The following ZBBX variants were observed in gnomAD, a reference collection of about 807,000 sequenced individuals.
ZBBX encodes zinc finger B-box domain containing.
In ZBBX, 101 loss-of-function variants were observed where a neutral mutation model predicts 108.5. The observed-to-expected ratio is 0.93, with a 90% CI of 0.79 to 1.10. The LOEUF (loss-of-function observed/expected upper bound fraction) is 1.10, where lower values mean the gene tolerates loss of function less well. Among genes scored for constraint, ZBBX ranks in the 50% least tolerant of loss-of-function variants. ZBBX has a pLI of 0.00. For synonymous variants in ZBBX, 356 were observed against 323.4 expected (o/e 1.10, Z -1.08); for missense variants, 1,009 against 941.4 (o/e 1.07, Z -0.94).
At chr3:167,382,887 A>T (rs992943705), upstream of ZBBX, among the ~76,000 whole-genome samples, 4 of 152,062 alleles carry the variant, frequency 2.6e-5, no homozygotes, top group Admixed American at 2.6e-4. Flanking sequence ...AATAATTTCA[A>T]AGCTAATGGT....
At chr3:167,392,011 TC>T (rs1358640063) in intron 1 of ZBBX, among the ~76,000 whole-genome samples, 3 of 151,554 alleles carry the variant, frequency 2.0e-5, no homozygotes, top group Non-Finnish European at 4.4e-5. Context: ...TACATAAAAT[TC>T]CCAAAAAGTT....
chr3:167,288,947 T>A lies in ZBBX; in HGVS notation c.1916A>T (p.Glu639Val), dbSNP rs748193059. 5.4e-5 allele frequency: 83 copies of A among 1,543,836 alleles called. 2 individuals are homozygous for A. Among genetic ancestry groups the A allele is most frequent in the South Asian group, 4.8e-4 (40 of 82,932 alleles). ...CAAGACAATTGCATTATCAGCATAT[T>A]CACTTAAGCTATGGTCTGGAATCCA... ...REWIPDHSLS[E>V]YADNAIVLGV... The change falls in exon 19 of 22, where the codon GAA becomes GTA. Residue 639 changes from glutamate (E) to valine (V), a missense_variant. Coordinates refer to ENST00000675490, the MANE Select transcript of ZBBX (RefSeq NM_001199201.2).
chr3:167,356,263 T>A, intron 8 of ZBBX, among the ~76,000 whole-genome samples: 1 of 152,070 alleles, frequency 6.6e-6, no homozygotes, highest in Non-Finnish European at 1.5e-5. Flanking sequence ...TTTTTTAAGA[T>A]TCCTTAAATT....
intron 18 of ZBBX, among the ~76,000 whole-genome samples, chr3:167,295,810 G>A (rs1731607387): frequency 7.6e-6 from 1 of 132,192 alleles, no homozygotes; most frequent in African/African-American, 2.9e-5. Flanking sequence ...TGCCAATAAT[G>A]AAAAGTCCTG....
chr3:167,381,677 T>A (rs953748059), upstream of ZBBX, among the ~76,000 whole-genome samples: 45 of 152,354 alleles, frequency 3.0e-4, no homozygotes, highest in Non-Finnish European at 6.6e-4. Flanking sequence ...TTTTCAGCTT[T>A]CGTCCATTTA....
At chr3:167,232,972 A>C in the ZBBX span, among the ~76,000 whole-genome samples, 7 of 151,838 alleles carry the variant, frequency 4.6e-5, no homozygotes, top group South Asian at 1.5e-3. Context: ...CTTTTATAAA[A>C]TAAAAGCCTT....
chr3:167,196,134 C>A, the ZBBX span, among the ~76,000 whole-genome samples: 2 of 152,262 alleles, frequency 1.3e-5, no homozygotes, highest in African/African-American at 4.8e-5. Context: ...CAACCCATTT[C>A]TTTAGCTATT....
intron 20 of ZBBX, among the ~76,000 whole-genome samples, chr3:167,252,635 G>A (rs1722813721): frequency 6.6e-6 from 1 of 150,802 alleles, no homozygotes; most frequent in South Asian, 2.1e-4. Context: ...GAAAGTGGTT[G>A]CCTTCTGCTG....
Position 167,274,413 on chromosome 3 carries a change from C to A in ZBBX, c.2254+7825G>T, listed in dbSNP as rs375737610. ...TCCCTTAGTTCTCCTCCACCCTATT[C>A]AGATAAGCTTTTCCTTTTAGAAGAC... is the stretch of plus-strand genomic sequence containing the variant. On this transcript the variant is annotated intron_variant, in intron 20 of 21. Coordinates refer to ENST00000675490, the MANE Select transcript of ZBBX (RefSeq NM_001199201.2). Among the ~76,000 whole-genome samples the A allele has an allele frequency of 3.3e-5, 5 of 152,272 alleles. No individual in the cohort carries two copies. The East Asian group carries it at 7.7e-4, about 23-fold the overall frequency.
At chr3:167,363,728 T>C (rs1438013036) in intron 6 of ZBBX, among the ~76,000 whole-genome samples, 1 of 152,078 alleles carries the variant, frequency 6.6e-6, no homozygotes, top group Non-Finnish European at 1.5e-5. Flanking sequence ...TATTAAACCC[T>C]TGAAAGGTCA....
intron 20 of ZBBX, among the ~76,000 whole-genome samples, chr3:167,244,121 T>G (rs1721162056): frequency 6.6e-6 from 1 of 152,162 alleles, no homozygotes; most frequent in Non-Finnish European, 1.5e-5. Flanking sequence ...TATGGGCCCA[T>G]GAAGAACTAA....
rs1007732684 is a variant in ZBBX at position 167,397,240 on chromosome 3, T to C, written c.-446+10486A>G. On this transcript the variant is annotated intron_variant, in intron 1 of 21. Coordinates refer to the ZBBX transcript ENST00000455345. ...GCTGACTGCATTTTCTTTGCATTTTTCTGGGTTTTTCTTACAGCCATCAAT... is the reference window on the plus strand; with the variant it reads ...GCTGACTGCATTTTCTTTGCATTTTCCTGGGTTTTTCTTACAGCCATCAAT... Among the ~76,000 whole-genome samples, 7 of 151,502 alleles carry C rather than the reference T, an allele frequency of 4.6e-5. 1 individual carries two copies. The highest frequency in any genetic ancestry group is 1.7e-4 in the African/African-American group (7 of 41,284).
rs547228756 is a variant in ZBBX, at chr3:167,350,026, A to T, written c.528+394T>A. ...AAATAATAATGGGCAAAGATAAATA[A>T]GAACTAATTTTTAAATAAACTTGAA... On this transcript the variant is annotated intron_variant, in intron 9 of 21. Transcript: ENST00000675490. 2.6e-4 allele frequency among the ~76,000 whole-genome samples: 40 copies of T among 152,136 alleles called. 1 individual carries two copies. In the East Asian group the frequency reaches 7.3e-3, roughly 28 times the overall value.
chr3:167,243,807 T>C (rs1450624339), intron 20 of ZBBX, among the ~76,000 whole-genome samples: 2 of 138,198 alleles, frequency 1.4e-5, no homozygotes, highest in Non-Finnish European at 3.0e-5. Flanking sequence ...TTTGAGCAAA[T>C]AGAGATTTCC....
chr3:167,287,703 G>A (rs1252015710), intron 19 of ZBBX, among the ~76,000 whole-genome samples: 2 of 152,022 alleles, frequency 1.3e-5, no homozygotes, highest in African/African-American at 4.8e-5. Flanking sequence ...AATATACAGT[G>A]ACTTAAAGCA....
At chr3:167,204,904 CA>C in the ZBBX span, among the ~76,000 whole-genome samples, 7,859 of 123,950 alleles carry the variant, frequency 0.063, 539 homozygotes, top group African/African-American at 0.18. Flanking sequence ...GAACTCAGAC[CA>C]AAAAAAAAAA....
upstream of ZBBX, among the ~76,000 whole-genome samples, chr3:167,384,792 AATTTATTC>A (rs1164624505): frequency 6.6e-6 from 1 of 152,064 alleles, no homozygotes; most frequent in Admixed American, 6.6e-5. Flanking sequence ...AACCTGAATG[AATTTATTC>A]CTGTAATCAT....
chr3:167,299,247 T>C (rs1159469345), intron 17 of ZBBX, among the ~76,000 whole-genome samples: 2 of 152,068 alleles, frequency 1.3e-5, no homozygotes, highest in African/African-American at 2.4e-5. Flanking sequence ...AAATATAGTC[T>C]GTTCCCATAA....
At chr3:167,281,345 ATT>A (rs1367506648) in intron 20 of ZBBX, among the ~76,000 whole-genome samples, 3 of 152,154 alleles carry the variant, frequency 2.0e-5, no homozygotes, top group Admixed American at 2.0e-4. Flanking sequence ...GTGGGTTTTT[ATT>A]TCTTTTTTTG....
Sources: allele counts gnomAD v4.1 joint callset (sites outside exome capture counted in the v4.1 genomes callset), GRCh38; gene constraint gnomAD v4.1.1; transcripts MANE v1.5; gene names NCBI Gene and HGNC (gene_info 2026-07-23, HGNC 2026-07-21).